The following UGT1A1 variants were observed in gnomAD, a reference collection of about 807,000 sequenced individuals.
UGT1A1 encodes the protein UDP glucuronosyltransferase family 1 member A1.
Under a neutral mutation model 40.6 loss-of-function variants are expected in UGT1A1, and 33 were observed. The observed-to-expected ratio is 0.81, with a 90% CI of 0.62 to 1.09. The LOEUF is 1.09. Among genes scored for constraint, UGT1A1 ranks in the 50% least tolerant of loss-of-function variants. The pLI is 0.00. For synonymous variants in UGT1A1, 249 were observed against 265.0 expected (o/e 0.94, Z 0.59); for missense variants, 694 against 671.2 (o/e 1.03, Z -0.38).
intron 2 of UGT1A1, 81 bp from the exon 3 acceptor site, chr2:233,767,768 G>A (rs1166342197): frequency 1.9e-5 from 30 of 1,610,020 alleles, no homozygotes; most frequent in Non-Finnish European, 2.5e-5. Flanking sequence ...GAGGACCCCT[G>A]TTTTCTAGTT....
In UGT1A1 at chr2:233,769,625, A is replaced by G; in HGVS notation, c.1304+1186A>G. 1 of 1,612,274 alleles carries G rather than the reference A, an allele frequency of 6.2e-7. No homozygotes were observed. Among genetic ancestry groups the G allele is most frequent in the African/African-American group, 1.3e-5 (1 of 75,020 alleles). On this transcript the variant is annotated intron_variant, in intron 4 of 4. Coordinates refer to ENST00000305208, the MANE Select transcript of UGT1A1 (RefSeq NM_000463.3). The surrounding 1 kb of genome is among the most constrained non-coding windows in gnomAD (Gnocchi z 4.4). ...GGGGACACACCAGCTTGAGCAAGGGACAACAGGGGAGGACTGATGACTGAC... is the reference window on the plus strand; with the variant it reads ...GGGGACACACCAGCTTGAGCAAGGGGCAACAGGGGAGGACTGATGACTGAC...
At chr2:233,766,321 C>T (rs1182863859) in intron 1 of UGT1A1, among the ~76,000 whole-genome samples, 1 of 152,172 alleles carries the variant, frequency 6.6e-6, no homozygotes. Flanking sequence ...CTCAGCCAAA[C>T]TCCGCGTTGT....
intron 1 of UGT1A1, among the ~76,000 whole-genome samples, chr2:233,765,026 C>T (rs2741015): frequency 2.6e-5 from 4 of 151,980 alleles, no homozygotes; most frequent in Admixed American, 2.0e-4. Context: ...TGGCAGGAGT[C>T]CTGCTGTGCA....
At position 233,767,975 on chromosome 2, in the gene UGT1A1, T is replaced by A. The variant is rs772516341; in HGVS notation, c.1084+39T>A. The A allele has an allele frequency of 6.2e-6, 10 of 1,614,016 alleles. No homozygotes were observed. The African/African-American group carries it at 1.3e-4, about 22-fold the overall frequency. On this transcript the variant is annotated intron_variant, in intron 3 of 4. Transcript: ENST00000305208. ...ATTGGATGTATAGGTCAAACCAGGGTCAAATTAAGAAAATGGCTTAAGCAC... is the reference window on the plus strand; with the variant it reads ...ATTGGATGTATAGGTCAAACCAGGGACAAATTAAGAAAATGGCTTAAGCAC...
chr2:233,762,695 CT>C lies in UGT1A1; in HGVS notation c.864+1548del, dbSNP rs571184142. Among the ~76,000 whole-genome samples, 40 of 148,314 alleles carry C rather than the reference CT, an allele frequency of 2.7e-4. No individual in the cohort carries two copies. The South Asian group carries it at 8.3e-3, about 31-fold the overall frequency. ...TTTGTTCTGTTTCTTTCTCATTCAT[CT>C]TTTCTTAAGTATTTTACACGGTTTT... On this transcript the variant is annotated intron_variant, in intron 1 of 4. Coordinates refer to ENST00000305208, the MANE Select transcript of UGT1A1 (RefSeq NM_000463.3).
chr2:233,767,427 G>A (rs1439996149), intron 2 of UGT1A1, among the ~76,000 whole-genome samples: 1 of 152,164 alleles, frequency 6.6e-6, no homozygotes, highest in Non-Finnish European at 1.5e-5. Context: ...GTGTATTAGG[G>A]AGAATTTATT....
chr2:233,767,641 T>G (rs941477411), intron 2 of UGT1A1, among the ~76,000 whole-genome samples: 5 of 152,170 alleles, frequency 3.3e-5, no homozygotes, highest in African/African-American at 1.2e-4. Flanking sequence ...TATCACAAAT[T>G]CACGTAGTGC....
In UGT1A1 at chr2:233,772,937, T is replaced by C; in HGVS notation, c.*378T>C. 1 of 341,386 alleles carries C rather than the reference T, an allele frequency of 2.9e-6. No homozygotes were observed. The highest frequency in any genetic ancestry group is 5.4e-6 in the Non-Finnish European group (1 of 186,324). 21.1% of individuals were successfully genotyped at this position (341,386 alleles called of 1,614,324 possible). A position where few individuals can be genotyped will look rare whatever the true frequency, so the allele number is the denominator to read the frequency against. ...CAAATGGCAGTTTTAATCTTATCTT[T>C]TGGCTTCTGCAGATGGTTGCAATTG... On this transcript the variant is annotated 3_prime_UTR_variant, in exon 5 of 5. Coordinates refer to ENST00000305208, the MANE Select transcript of UGT1A1 (RefSeq NM_000463.3).
chr2:233,767,851 C>G lies in UGT1A1; in HGVS notation c.999C>G (p.Val333=), dbSNP rs752058783. 1 of 1,614,170 alleles carries G rather than the reference C, an allele frequency of 6.2e-7. No individual in the cohort carries two copies. Among genetic ancestry groups the G allele is most frequent in the Non-Finnish European group, 8.5e-7 (1 of 1,180,036 alleles). ...ADALGKIPQT[V]LWRYTGTRPS... Reference sequence around the variant, plus strand: ...TCTGCTCTTTTTGCCCCTCCCAGGTCCTGTGGCGGTACACTGGAACCCGAC... The same window carrying G: ...TCTGCTCTTTTTGCCCCTCCCAGGTGCTGTGGCGGTACACTGGAACCCGAC... The change falls in exon 3 of 5, where the codon GTC becomes GTG. Residue 333 remains valine (V), a splice_region_variant and synonymous_variant. Transcript: ENST00000305208.
In UGT1A1 at chr2:233,769,378, G is replaced by A. The variant is rs986725274; in HGVS notation, c.1304+939G>A. Reference sequence around the variant, plus strand: ...TGGTGGCCAGTGGTAGATTTCATCCGACAATAGATACTGTGTGCATATGTG... The same window carrying A: ...TGGTGGCCAGTGGTAGATTTCATCCAACAATAGATACTGTGTGCATATGTG... On this transcript the variant is annotated intron_variant, in intron 4 of 4. Coordinates refer to ENST00000305208, the MANE Select transcript of UGT1A1 (RefSeq NM_000463.3). This position sits in a 1 kb window ranked among gnomAD's most constrained non-coding sequence, Gnocchi z 4.4. Among the ~76,000 whole-genome samples, 7 of 152,200 alleles carry A rather than the reference G, an allele frequency of 4.6e-5. No individual in the cohort carries two copies. Among genetic ancestry groups the A allele is most frequent in the African/African-American group, 7.2e-5 (3 of 41,448 alleles).
In UGT1A1 at chr2:233,768,291, G is replaced by T; in HGVS notation, c.1156G>T (p.Val386Phe). The change falls in exon 4 of 5, where the codon GTT becomes TTT. Residue 386 changes from valine to phenylalanine, a missense_variant. Physicochemically the swap from Val to Phe is conservative, Grantham distance 50. Coordinates refer to ENST00000305208, the MANE Select transcript of UGT1A1 (RefSeq NM_000463.3). ...HGVYESICNG[V>F]PMVMMPLFGD... ...TGTTTATGAAAGCATATGCAATGGC[G>T]TTCCCATGGTGATGATGCCCTTGTT... is the stretch of plus-strand genomic sequence containing the variant. 1 of 1,614,148 alleles carries T rather than the reference G, an allele frequency of 6.2e-7. No homozygotes were observed. Among genetic ancestry groups the T allele is most frequent in the Non-Finnish European group, 8.5e-7 (1 of 1,180,032 alleles).
Position 233,760,901 on chromosome 2 carries a change from C to T in UGT1A1, c.614C>T (p.Thr205Ile), listed in dbSNP as rs766170365. The T allele has an allele frequency of 1.9e-6, 3 of 1,614,178 alleles. No homozygotes were observed. The highest frequency in any genetic ancestry group is 2.2e-5 in the East Asian group (1 of 44,884). The change falls in exon 1 of 5, where the codon ACC becomes ATC. Residue 205 changes from threonine to isoleucine, a missense_variant. Physicochemically the swap from Thr to Ile is moderately conservative, Grantham distance 89. Coordinates refer to ENST00000305208, the MANE Select transcript of UGT1A1 (RefSeq NM_000463.3). ...RPLSSHSDHM[T>I]FLQRVKNMLI... ...CTCTCCTCTCATTCAGATCACATGA[C>T]CTTCCTGCAGCGGGTGAAGAACATG... is the stretch of plus-strand genomic sequence containing the variant.
intron 1 of UGT1A1, among the ~76,000 whole-genome samples, chr2:233,765,573 A>C (rs1448763178): frequency 2.6e-5 from 4 of 152,132 alleles, no homozygotes; most frequent in Admixed American, 6.5e-5. Context: ...GCGTAGACGC[A>C]GGGAGGGGAA....
chr2:233,764,590 G>A (rs1263378964), intron 1 of UGT1A1, among the ~76,000 whole-genome samples: 1 of 152,150 alleles, frequency 6.6e-6, no homozygotes, highest in Non-Finnish European at 1.5e-5. Context: ...GCCTTTTCCA[G>A]ATGAGCTTCA....
intron 4 of UGT1A1, among the ~76,000 whole-genome samples, chr2:233,771,801 TC>T (rs1700390551): frequency 9.1e-6 from 1 of 110,270 alleles, no homozygotes; most frequent in Non-Finnish European, 1.8e-5. Flanking sequence ...CCTCCCTCCC[TC>T]CCTTCCTCCT....
rs1697701353 is a variant in UGT1A1, at chr2:233,761,179, G to A, written c.864+28G>A. ...GTGTATTGGAGTGGGACTTTTACAT[G>A]CGTATATTCTTTCAGATGTATTACT... On this transcript the variant is annotated intron_variant, in intron 1 of 4. Transcript: ENST00000305208. 3 of 1,614,024 alleles carry A rather than the reference G, an allele frequency of 1.9e-6. No individual in the cohort carries two copies. In the South Asian group the frequency reaches 3.3e-5, roughly 18 times the overall value.
In UGT1A1 at chr2:233,760,492, A is replaced by G; in HGVS notation, c.205A>G (p.Arg69Gly). 1 of 1,614,288 alleles carries G rather than the reference A, an allele frequency of 6.2e-7. No homozygotes were observed. The change falls in exon 1 of 5, where the codon AGA becomes GGA. Residue 69 changes from arginine (R) to glycine (G), a missense_variant. Arg to Gly is a moderately radical substitution (Grantham distance 125). Transcript: ENST00000305208. Reference sequence around the variant, plus strand: ...AGCACCTGACGCCTCGTTGTACATCAGAGACGGAGCATTTTACACCTTGAA... The same window carrying G: ...AGCACCTGACGCCTCGTTGTACATCGGAGACGGAGCATTTTACACCTTGAA... ...VLAPDASLYIRDGAFYTLKTY... is the reference protein window; with the variant it reads ...VLAPDASLYIGDGAFYTLKTY...
At chr2:233,768,587 T>TC in intron 4 of UGT1A1, 148 bp downstream of exon 4, 1 of 888,352 alleles carries the variant, frequency 1.1e-6, no homozygotes, top group Non-Finnish European at 1.4e-6. Context: ...TTCTTCTTTT[T>TC]TTTTTTTTTT....
In UGT1A1 at chr2:233,760,820, G is replaced by A. The variant is rs1177412651; in HGVS notation, c.533G>A (p.Ser178Asn). ...TTCTTCTTGCATGCACTGCCATGCA[G>A]CCTGGAATTTGAGGCTACCCAGTGC... ...TVFFLHALPC[S>N]LEFEATQCPN... The change falls in exon 1 of 5, where the codon AGC becomes AAC. Residue 178 changes from serine (S) to asparagine (N), a missense_variant. Coordinates refer to ENST00000305208, the MANE Select transcript of UGT1A1 (RefSeq NM_000463.3). 1 of 1,613,432 alleles carries A rather than the reference G, an allele frequency of 6.2e-7. No individual in the cohort carries two copies. Among genetic ancestry groups the A allele is most frequent in the Non-Finnish European group, 8.5e-7 (1 of 1,179,540 alleles).
Sources: allele counts gnomAD v4.1 joint callset (sites outside exome capture counted in the v4.1 genomes callset), GRCh38; gene constraint gnomAD v4.1.1; non-coding constraint Gnocchi (gnomAD v3.1); transcripts MANE v1.5; gene names NCBI Gene and HGNC (gene_info 2026-07-23, HGNC 2026-07-21).